The following CELF4 variants were observed in gnomAD, a reference collection of about 807,000 sequenced individuals.
CELF4 encodes the protein CUG-BP- and ETR-3-like factor 4.
CELF4 carries 18 observed loss-of-function variants against 59.9 expected under a neutral mutation model. The observed-to-expected ratio is 0.30, with a 90% CI of 0.21 to 0.45. The LOEUF (loss-of-function observed/expected upper bound fraction) is 0.45. Ranked by LOEUF, CELF4 falls within the 20% of genes least tolerant of loss-of-function variation. The probability of loss-of-function intolerance (pLI) is 1.00; values close to 1 mark genes in which losing one functional copy is unlikely to be tolerated. For synonymous variants in CELF4, 261 were observed against 267.1 expected (o/e 0.98, Z 0.22); for missense variants, 456 against 689.0 (o/e 0.66, Z 3.79).
At chr18:37,251,651 A>G (rs2065576106) in intron 12 of CELF4, among the ~76,000 whole-genome samples, 1 of 152,230 alleles carries the variant, frequency 6.6e-6, no homozygotes, top group Admixed American at 6.5e-5. Context: ...CCTTAATGGC[A>G]GAGCTATGCT....
chr18:37,362,704 C>A (rs911867857), intron 2 of CELF4, among the ~76,000 whole-genome samples: 3 of 152,164 alleles, frequency 2.0e-5, no homozygotes, highest in Non-Finnish European at 4.4e-5. Context: ...GAACTCTGAA[C>A]CTTCCTCCCC....
intron 1 of CELF4, among the ~76,000 whole-genome samples, chr18:37,492,272 T>A (rs1002860077): frequency 5.9e-5 from 9 of 152,172 alleles, no homozygotes; most frequent in Admixed American, 5.9e-4. Context: ...AAGGCCCCTC[T>A]GCCCCAAATC....
At chr18:37,277,154 A>T (rs79169442) in intron 3 of CELF4, among the ~76,000 whole-genome samples, 3,758 of 152,294 alleles carry the variant, frequency 0.025, 163 homozygotes, top group African/African-American at 0.086. Flanking sequence ...CTCAGTCCAG[A>T]CGCACTCAGC....
rs1402496576 is a variant in CELF4 at position 37,350,378 on chromosome 18, C to G, written c.370-28497G>C. ...AAATTTCTGAGTAATAGACCACGCG[C>G]GCTCCTCTTCTCAGGACAACAGCTC... On this transcript the variant is annotated intron_variant, in intron 2 of 12. Coordinates refer to ENST00000420428, the MANE Select transcript of CELF4 (RefSeq NM_020180.4). 2.0e-5 allele frequency among the ~76,000 whole-genome samples: 3 copies of G among 152,184 alleles called. No individual in the cohort carries two copies. In the East Asian group the frequency reaches 5.8e-4, roughly 29 times the overall value.
chr18:37,507,768 C>A (rs1408732190), intron 1 of CELF4, among the ~76,000 whole-genome samples: 1 of 152,208 alleles, frequency 6.6e-6, no homozygotes, highest in Non-Finnish European at 1.5e-5. Flanking sequence ...GTTCTCATCT[C>A]TCAGACACAC....
chr18:37,353,091 C>A (rs944270365), intron 2 of CELF4, among the ~76,000 whole-genome samples: 7 of 151,628 alleles, frequency 4.6e-5, no homozygotes, highest in South Asian at 4.2e-4. Context: ...TGTGATGGCA[C>A]GTGCCTGCAG....
intron 7 of CELF4, 85 bp from the exon 8 acceptor site, chr18:37,271,002 C>A: frequency 8.2e-7 from 1 of 1,215,392 alleles, no homozygotes; most frequent in East Asian, 2.6e-5. Context: ...AAGCTTCACT[C>A]AACTGTTTCC....
At chr18:37,338,606 C>A (rs889195510) in intron 2 of CELF4, among the ~76,000 whole-genome samples, 1 of 152,166 alleles carries the variant, frequency 6.6e-6, no homozygotes, top group Non-Finnish European at 1.5e-5. Context: ...CAGGCCCCTA[C>A]AATCTTTGGG....
chr18:37,523,318 G>A (rs1218711470), intron 1 of CELF4, among the ~76,000 whole-genome samples: 1 of 152,178 alleles, frequency 6.6e-6, no homozygotes, highest in Non-Finnish European at 1.5e-5. Flanking sequence ...GGGCCAGGAG[G>A]CCCCAGATGT....
At chr18:37,262,253 C>G (rs2075110348) in intron 10 of CELF4, among the ~76,000 whole-genome samples, 1 of 152,208 alleles carries the variant, frequency 6.6e-6, no homozygotes, top group African/African-American at 2.4e-5. Context: ...CTTCCCCATC[C>G]CCTGCATCCC....
chr18:37,507,778 C>T (rs192341864), intron 1 of CELF4, among the ~76,000 whole-genome samples: 1 of 152,348 alleles, frequency 6.6e-6, no homozygotes, highest in East Asian at 1.9e-4. Context: ...CTCAGACACA[C>T]AGCCACCTGC....
chr18:37,422,271 C>G (rs752649350), intron 2 of CELF4, among the ~76,000 whole-genome samples: 13 of 152,210 alleles, frequency 8.5e-5, no homozygotes, highest in Admixed American at 6.5e-5. Flanking sequence ...AGCTGCCTCC[C>G]AACTATGATG....
intron 2 of CELF4, among the ~76,000 whole-genome samples, chr18:37,436,511 G>T (rs1003213078): frequency 6.6e-6 from 1 of 152,194 alleles, no homozygotes; most frequent in Non-Finnish European, 1.5e-5. Context: ...AGCTGCAGAG[G>T]GGGGATCAAG....
At chr18:37,315,346 C>T (rs1448322092) in intron 3 of CELF4, among the ~76,000 whole-genome samples, 1 of 152,010 alleles carries the variant, frequency 6.6e-6, no homozygotes, top group Non-Finnish European at 1.5e-5. Context: ...GGTGGCAGCC[C>T]CTAGGGAGTC....
chr18:37,416,962 CAAG>C (rs1301612304), intron 2 of CELF4, among the ~76,000 whole-genome samples: 1 of 139,690 alleles, frequency 7.2e-6, no homozygotes, highest in Non-Finnish European at 1.5e-5. Flanking sequence ...GGAAGGAGGA[CAAG>C]AAGAAATGCA....
In CELF4 at chr18:37,253,919, G is replaced by A; in HGVS notation, c.1353C>T (p.Asn451=). ...FLPFGFVSFD[N]PASAQTAIQA... ...GGATGGCGGTCTGCGCGCTGGCCGG[G>A]TTGTCGAAGCTCACGAAGCCTGGCG... is the stretch of plus-strand genomic sequence containing the variant. The change falls in exon 12 of 13, where the codon AAC becomes AAT. Residue 451 remains asparagine (N), a synonymous_variant. Transcript: ENST00000420428. This position sits in a 1 kb window ranked among gnomAD's most constrained non-coding sequence, Gnocchi z 4.5. 1 of 1,606,324 alleles carries A rather than the reference G, an allele frequency of 6.2e-7. No homozygotes were observed. The highest frequency in any genetic ancestry group is 8.5e-7 in the Non-Finnish European group (1 of 1,176,726).
chr18:37,299,919 G>T (rs60771554), intron 3 of CELF4, among the ~76,000 whole-genome samples: 1,597 of 152,126 alleles, frequency 0.01, 23 homozygotes, highest in African/African-American at 0.033. Context: ...TGGTCAGGTT[G>T]TCCCAGGGCC....
intron 2 of CELF4, among the ~76,000 whole-genome samples, chr18:37,371,771 T>C (rs933082725): frequency 6.6e-6 from 1 of 152,118 alleles, no homozygotes; most frequent in African/African-American, 2.4e-5. Context: ...GGGGCAGTCA[T>C]TAAGCAGTGC....
chr18:37,275,847 A>G (rs1271437607), intron 3 of CELF4: 3 of 152,780 alleles, frequency 2.0e-5, no homozygotes, highest in African/African-American at 4.8e-5. Flanking sequence ...TCAAAGGACA[A>G]TGACTACTTT....
Sources: gnomAD v4.1 joint callset for allele counts (sites outside exome capture counted in the v4.1 genomes callset) on GRCh38, gnomAD v4.1.1 for gene constraint, Gnocchi (gnomAD v3.1) non-coding constraint, MANE v1.5 for transcripts, NCBI Gene and HGNC (gene_info 2026-07-23, HGNC 2026-07-21) for gene names.